Variants in SRSF6 observed in about 807,000 individuals in gnomAD.
SRSF6 encodes the protein serine/arginine-rich splicing factor 6.
A neutral mutation model predicts 42.0 loss-of-function variants in SRSF6; 17 were observed. That is an observed-to-expected ratio of 0.40 (90% CI 0.28 to 0.61). The LOEUF (loss-of-function observed/expected upper bound fraction) is 0.61, where lower values mean the gene tolerates loss of function less well. Ranked by LOEUF, SRSF6 falls within the 20% of genes least tolerant of loss-of-function variation. The pLI is 0.37. For synonymous variants in SRSF6, 204 were observed against 166.7 expected (o/e 1.22, Z -1.72); for missense variants, 379 against 471.4 (o/e 0.80, Z 1.81).
rs919730676 is a variant in SRSF6, at chr20:43,460,217, G to A, written c.566G>A (p.Arg189Gln). The A allele has an allele frequency of 6.8e-6, 11 of 1,614,082 alleles. No homozygotes were observed. The highest frequency in any genetic ancestry group is 1.7e-5 in the Admixed American group (1 of 60,024). Residue 189 changes from arginine to glutamine, a missense_variant, in exon 4 of 6, where the codon CGA (arginine) becomes CAA (glutamine). By Grantham distance (43) the Arg-to-Gln change is conservative (BLOSUM62 1). Transcript: ENST00000244020. ...GATAAGCCACGCACAAGCCATAGGCGATCTTACTCTGGAAGCAGATCCAGG... is the reference window on the plus strand; with the variant it reads ...GATAAGCCACGCACAAGCCATAGGCAATCTTACTCTGGAAGCAGATCCAGG... Reference protein sequence around the residue: ...IEDKPRTSHRRSYSGSRSRSR... With the variant: ...IEDKPRTSHRQSYSGSRSRSR...
intron 2 of SRSF6, chr20:43,459,370 T>TA (rs1214396588): frequency 3.0e-6 from 4 of 1,342,442 alleles, no homozygotes; most frequent in Non-Finnish European, 3.9e-6. Context: ...AGGTGACTGT[T>TA]ACCTTGCGTG....
Position 43,459,851 on chromosome 20 carries a change from A to C in SRSF6, c.337A>C (p.Ile113Leu). The change falls in exon 3 of 6, where the codon ATT becomes CTT. Residue 113 changes from isoleucine (I) to leucine (L), a missense_variant. By Grantham distance (5) the Ile-to-Leu change is conservative (BLOSUM62 2). Around this residue, in one of 3 missense-constraint regions of SRSF6, gnomAD observed 43 missense variants for 108.5 expected, o/e 0.40. Transcript: ENST00000244020. Reference sequence around the variant, plus strand: ...ACCTGTTCGTACAGAATACAGGCTTATTGTAGAAAATCTTTCTAGTCGGTG... The same window carrying C: ...ACCTGTTCGTACAGAATACAGGCTTCTTGTAGAAAATCTTTCTAGTCGGTG... The part of the protein sequence containing the change: ...GPPVRTEYRL[I>L]VENLSSRCSW... 1 of 1,609,862 alleles carries C rather than the reference A, an allele frequency of 6.2e-7. No individual in the cohort carries two copies. The highest frequency in any genetic ancestry group is 8.5e-7 in the Non-Finnish European group (1 of 1,178,946).
At chr20:43,459,378 G>A (rs1487892298) in intron 2 of SRSF6, 3 of 1,336,636 alleles carry the variant, frequency 2.2e-6, no homozygotes, top group Non-Finnish European at 3.0e-6. Flanking sequence ...GTTACCTTGC[G>A]TGTTTTGTGG....
At chr20:43,459,056 T>G in intron 2 of SRSF6, 3 of 1,135,534 alleles carry the variant, frequency 2.6e-6, no homozygotes, top group Non-Finnish European at 3.5e-6. Context: ...TGGGAGGAGG[T>G]TGGGGGGATT....
Position 43,458,277 on chromosome 20 carries a change from C to T in SRSF6, c.108-84C>T, listed in dbSNP as rs888584611. The T allele has an allele frequency of 4.3e-6, 6 of 1,398,084 alleles. No homozygotes were observed. In the African/African-American group the frequency reaches 7.7e-5, roughly 18 times the overall value. The allele number at this position is 1,398,084 out of a possible 1,614,324, so 86.6% of individuals were successfully genotyped here. On this transcript the variant is annotated intron_variant, in intron 1 of 5. Coordinates refer to ENST00000244020, the MANE Select transcript of SRSF6 (RefSeq NM_006275.6). ...TGGCGACGGCGCGGCGTCGCGGGGG[C>T]GCGCGGTGGGGTACGGGCGCGCGCA...
At chr20:43,459,555 T>TC in intron 2 of SRSF6, 1 of 1,304,276 alleles carries the variant, frequency 7.7e-7, no homozygotes, top group Non-Finnish European at 1.0e-6. Flanking sequence ...GCAGTCACTC[T>TC]CTAACAGATT....
chr20:43,458,411 A>G lies in SRSF6; in HGVS notation c.158A>G (p.Tyr53Cys), dbSNP rs1476068859. 2 of 1,552,924 alleles carry G rather than the reference A, an allele frequency of 1.3e-6. No individual in the cohort carries two copies. Among genetic ancestry groups the G allele is most frequent in the Non-Finnish European group, 1.7e-6 (2 of 1,153,580 alleles). ...EDSRDADDAV[Y>C]ELNGKELCGE... ...TCCCGCGACGCCGACGACGCCGTTT[A>G]CGAGCTGAACGGCAAGGAGCTCTGC... The change falls in exon 2 of 6, where the codon TAC becomes TGC. Residue 53 changes from tyrosine (Y) to cysteine (C), a missense_variant. Tyr to Cys is a radical substitution (Grantham distance 194, BLOSUM62 -2). Around this residue, in one of 3 missense-constraint regions of SRSF6, gnomAD observed 117 missense variants for 146.8 expected, o/e 0.80. Coordinates refer to ENST00000244020, the MANE Select transcript of SRSF6 (RefSeq NM_006275.6).
chr20:43,460,223 A>C lies in SRSF6; in HGVS notation c.572A>C (p.Tyr191Ser). 1 of 1,614,144 alleles carries C rather than the reference A, an allele frequency of 6.2e-7. No homozygotes were observed. The change falls in exon 4 of 6, where the codon TAC (tyrosine) becomes TCC (serine). Residue 191 changes from tyrosine to serine, a missense_variant. Physicochemically the swap from Tyr to Ser is moderately radical, Grantham distance 144 (BLOSUM62 -2). Coordinates refer to ENST00000244020, the MANE Select transcript of SRSF6 (RefSeq NM_006275.6). ...DKPRTSHRRSYSGSRSRSRSR... is the reference protein window; with the variant it reads ...DKPRTSHRRSSSGSRSRSRSR... ...CCACGCACAAGCCATAGGCGATCTT[A>C]CTCTGGAAGCAGATCCAGGTAACTT...
intron 4 of SRSF6, 77 bp from the exon 5 acceptor site, chr20:43,460,438 T>C: frequency 2.1e-6 from 3 of 1,422,152 alleles, no homozygotes; most frequent in African/African-American, 1.4e-5. Context: ...ATTCTTTGGC[T>C]TATCTATTTT....
chr20:43,458,992 A>T (rs76126732), intron 2 of SRSF6, among the ~76,000 whole-genome samples: 7,119 of 152,274 alleles, frequency 0.047, 257 homozygotes, highest in Non-Finnish European at 0.064. Context: ...ATTGTACCAC[A>T]AAGTAGATCT....
In SRSF6 at chr20:43,460,571, C is replaced by A; in HGVS notation, c.647C>A (p.Ser216Tyr). 6.2e-7 allele frequency: 1 copy of A among 1,614,144 alleles called. No homozygotes were observed. The highest frequency in any genetic ancestry group is 1.1e-5 in the South Asian group (1 of 91,078). The change falls in exon 5 of 6, where the codon TCT (serine) becomes TAT (tyrosine). Residue 216 changes from serine (S) to tyrosine (Y), a missense_variant. Physicochemically the swap from Ser to Tyr is moderately radical, Grantham distance 144. Transcript: ENST00000244020. ...AGTCGCAGGAGCAGCCGCAGTAGAT[C>A]TCGAAGTATCTCAAAAAGTCGCTCC... ...SRSRRSSRSR[S>Y]RSISKSRSRS...
rs867885303 is a variant in SRSF6 at position 43,461,340 on chromosome 20, T to G, written c.*277T>G. The G allele has an allele frequency of 2.3e-3, 46 of 19,820 alleles. No individual in the cohort carries two copies. The highest frequency in any genetic ancestry group is 5.5e-3 in the Admixed American group (5 of 910). 1.2% of individuals were successfully genotyped at this position (19,820 alleles called of 1,614,324 possible). A position where few individuals can be genotyped will look rare whatever the true frequency, so the allele number is the denominator to read the frequency against. On this transcript the variant is annotated 3_prime_UTR_variant, in exon 6 of 6. Coordinates refer to ENST00000244020, the MANE Select transcript of SRSF6 (RefSeq NM_006275.6). ...AAGATTAAGCTCATTTAGTGTTGTT[T>G]TTTTTTTTTTTTTTTTTTTTTTTTT...
At position 43,461,882 on chromosome 20, in the gene SRSF6, G is replaced by T. The variant is rs1029282319; in HGVS notation, c.*819G>T. On this transcript the variant is annotated 3_prime_UTR_variant, in exon 6 of 6. Coordinates refer to ENST00000244020, the MANE Select transcript of SRSF6 (RefSeq NM_006275.6). ...AATAGCTCCTAATACTTGGGATCTT[G>T]TTTAGAGAATCCACTTTCTGGAAGT... The T allele has an allele frequency of 6.6e-6, 1 of 152,234 alleles. No homozygotes were observed. Among genetic ancestry groups the T allele is most frequent in the Non-Finnish European group, 1.5e-5 (1 of 68,030 alleles). The allele number at this position is 152,234 out of a possible 1,614,324, so 9.4% of individuals were successfully genotyped here.
chr20:43,458,541 TG>T (rs1180794400), intron 2 of SRSF6, 32 bp downstream of exon 2: 1 of 1,439,348 alleles, frequency 6.9e-7, no homozygotes, highest in Non-Finnish European at 9.1e-7. Context: ...TCCGCGCCCT[TG>T]GGGACCCTGG....
intron 2 of SRSF6, chr20:43,459,045 T>C (rs185518095): frequency 1.4e-5 from 14 of 1,010,236 alleles, no homozygotes; most frequent in East Asian, 5.7e-5. Flanking sequence ...GGGCATGTTA[T>C]TGGGAGGAGG....
chr20:43,461,335 T>TTG lies in SRSF6; in HGVS notation c.*274_*275dup, dbSNP rs1568901616. 2.6e-5 allele frequency: 1 copy of TTG among 38,426 alleles called. No homozygotes were observed. Among genetic ancestry groups the TTG allele is most frequent in the African/African-American group, 7.9e-5 (1 of 12,580 alleles). The allele number at this position is 38,426 out of a possible 1,614,324, so 2.4% of individuals were successfully genotyped here. ...TTGTAAAGATTAAGCTCATTTAGTG[T>TTG]TGTTTTTTTTTTTTTTTTTTTTTTT... On this transcript the variant is annotated 3_prime_UTR_variant, in exon 6 of 6. Coordinates refer to ENST00000244020, the MANE Select transcript of SRSF6 (RefSeq NM_006275.6).
rs1300038613 is a variant in SRSF6 at position 43,461,478 on chromosome 20, A to G, written c.*415A>G. Reference sequence around the variant, plus strand: ...TGAATACTTAAGGCTTTAGAGGGAGAACCCAATTTTCAATTATGTTGGCTT... The same window carrying G: ...TGAATACTTAAGGCTTTAGAGGGAGGACCCAATTTTCAATTATGTTGGCTT... On this transcript the variant is annotated 3_prime_UTR_variant, in exon 6 of 6. Transcript: ENST00000244020. 6.4e-6 allele frequency: 1 copy of G among 155,162 alleles called. No individual in the cohort carries two copies. The highest frequency in any genetic ancestry group is 1.4e-5 in the Non-Finnish European group (1 of 70,538). The allele number at this position is 155,162 out of a possible 1,614,324, so 9.6% of individuals were successfully genotyped here. A position where few individuals can be genotyped will look rare whatever the true frequency, so the allele number is the denominator to read the frequency against.
rs2017605976 is a variant in SRSF6, at chr20:43,461,818, A to G, written c.*755A>G. 6.6e-6 allele frequency: 1 copy of G among 152,614 alleles called. No homozygotes were observed. The highest frequency in any genetic ancestry group is 1.5e-5 in the Non-Finnish European group (1 of 68,052). 9.5% of individuals were successfully genotyped at this position (152,614 alleles called of 1,614,324 possible). On this transcript the variant is annotated 3_prime_UTR_variant, in exon 6 of 6. Transcript: ENST00000244020. ...TTGCTTAAATTAATACTTTTAAGTA[A>G]TGGAACTTTTTTCAAAGGCAAATTT...
In SRSF6 at chr20:43,462,412, A is replaced by G. The variant is rs1168783654; in HGVS notation, c.*1349A>G. On this transcript the variant is annotated 3_prime_UTR_variant, in exon 6 of 6. Coordinates refer to ENST00000244020, the MANE Select transcript of SRSF6 (RefSeq NM_006275.6). ...GATACCTTAAAAGTTACTTTATTTA[A>G]AAGCATTTATTAATCTTAGTCTGAA... 6.6e-6 allele frequency: 1 copy of G among 152,176 alleles called. No homozygotes were observed. Among genetic ancestry groups the G allele is most frequent in the Non-Finnish European group, 1.5e-5 (1 of 68,032 alleles). 9.4% of individuals were successfully genotyped at this position (152,176 alleles called of 1,614,324 possible). A position where few individuals can be genotyped will look rare whatever the true frequency, so the allele number is the denominator to read the frequency against.
Sources: gnomAD v4.1 joint callset for allele counts (sites outside exome capture counted in the v4.1 genomes callset) on GRCh38, gnomAD v4.1.1 for gene constraint, gnomAD v4.1.1 regional missense constraint, MANE v1.5 for transcripts, NCBI Gene and HGNC (gene_info 2026-07-23, HGNC 2026-07-21) for gene names.